The following ITGA3 variants were observed in gnomAD, a reference collection of about 807,000 sequenced individuals.
ITGA3 encodes the protein integrin alpha-3.
In ITGA3, 70 loss-of-function variants were observed where a neutral mutation model predicts 131.1. That is an observed-to-expected ratio of 0.53 (90% CI 0.44 to 0.65). The LOEUF is 0.65. Among genes scored for constraint, ITGA3 ranks in the 30% least tolerant of loss-of-function variants. The pLI is 0.00. For synonymous variants in ITGA3, 537 were observed against 571.6 expected (o/e 0.94, Z 0.86); for missense variants, 1,098 against 1,388.6 (o/e 0.79, Z 3.33).
chr17:50,075,610 A>T lies in ITGA3; in HGVS notation c.1549A>T (p.Thr517Ser), dbSNP rs987503159. The T allele has an allele frequency of 3.1e-6, 5 of 1,614,028 alleles. No individual in the cohort carries two copies. In the East Asian group the frequency reaches 8.9e-5, roughly 29 times the overall value. The change falls in exon 12 of 26, where the codon ACT becomes TCT. Residue 517 changes from threonine (T) to serine (S), a missense_variant. Transcript: ENST00000320031. ...CTGTCTACCTGTAGCCCTGGCCTAC[A>T]CTCTGGAGGCTGACAGGGACCGCCG... ...NYRRNITLAY[T>S]LEADRDRRPP...
At chr17:50,078,000 G>A (rs372600828) in intron 16 of ITGA3, 46 bp from the exon 17 acceptor site, 126 of 1,515,070 alleles carry the variant, frequency 8.3e-5, no homozygotes, top group Middle Eastern at 5.7e-4. Context: ...CATCACCCCC[G>A]CCAGGCCCCA....
At position 50,088,259 on chromosome 17, in the gene ITGA3, T is replaced by C; in HGVS notation, c.3080T>C (p.Leu1027Pro). Residue 1027 changes from leucine to proline, a missense_variant, in exon 25 of 26, where the codon CTG becomes CCG. Leu to Pro is a moderately conservative substitution (Grantham distance 98). Transcript: ENST00000320031. Reference sequence around the variant, plus strand: ...TTCAAGCGAGCCCGCACTCGCGCCCTGTATGAAGCTAAGAGGCAGAAGGCG... The same window carrying C: ...TTCAAGCGAGCCCGCACTCGCGCCCCGTATGAAGCTAAGAGGCAGAAGGCG... ...GFFKRARTRA[L>P]YEAKRQKAEM... 3 of 1,583,580 alleles carry C rather than the reference T, an allele frequency of 1.9e-6. No homozygotes were observed. Among genetic ancestry groups the C allele is most frequent in the South Asian group, 1.2e-5 (1 of 86,838 alleles).
chr17:50,072,810 A>G, intron 7 of ITGA3, among the ~76,000 whole-genome samples: 1 of 150,680 alleles, frequency 6.6e-6, no homozygotes, highest in African/African-American at 2.4e-5. Flanking sequence ...ACAAGGTGGG[A>G]GCCCTGGATA....
chr17:50,078,320 GC>G (rs1295574778), intron 18 of ITGA3, 36 bp downstream of exon 18: 1 of 1,572,066 alleles, frequency 6.4e-7, no homozygotes. Flanking sequence ...ACCCCAGCCT[GC>G]TGTGCCTAAG....
intron 12 of ITGA3, 112 bp from the exon 13 acceptor site, chr17:50,076,214 T>G: frequency 1.4e-5 from 16 of 1,146,886 alleles, no homozygotes; most frequent in African/African-American, 3.7e-5. Context: ...AACTGTCAGG[T>G]TTTCAGGGTG....
Position 50,056,384 on chromosome 17 carries a change from C to A in ITGA3, c.-56C>A. On this transcript the variant is annotated 5_prime_UTR_variant, in exon 1 of 26. Coordinates refer to ENST00000320031, the MANE Select transcript of ITGA3 (RefSeq NM_002204.4). This position sits in a 1 kb window ranked among gnomAD's most constrained non-coding sequence, Gnocchi z 5.6. ...CGGGGAGCAGGTGAACAGGTCCTCA[C>A]GCCCAGCTCCGCGCCCTCACGCGCT... The A allele has an allele frequency of 2.3e-6, 3 of 1,304,610 alleles. No homozygotes were observed. Among genetic ancestry groups the A allele is most frequent in the East Asian group, 5.8e-5 (2 of 34,666 alleles). The allele number at this position is 1,304,610 out of a possible 1,614,324, so 80.8% of individuals were successfully genotyped here. A position where few individuals can be genotyped will look rare whatever the true frequency, so the allele number is the denominator to read the frequency against.
chr17:50,064,372 G>A lies in ITGA3; in HGVS notation c.335-156G>A. On this transcript the variant is annotated intron_variant, in intron 2 of 25. Coordinates refer to ENST00000320031, the MANE Select transcript of ITGA3 (RefSeq NM_002204.4). This position sits in a 1 kb window ranked among gnomAD's most constrained non-coding sequence, Gnocchi z 4.4. ...AGGAGAGTGGGGCTGGATGGGATTGGTAGAGCTCAGAATAATGACGAGCTG... is the reference window on the plus strand; with the variant it reads ...AGGAGAGTGGGGCTGGATGGGATTGATAGAGCTCAGAATAATGACGAGCTG... 8.9e-7 allele frequency: 1 copy of A among 1,126,784 alleles called. No individual in the cohort carries two copies. The highest frequency in any genetic ancestry group is 1.5e-5 in the South Asian group (1 of 66,394). 69.8% of individuals were successfully genotyped at this position (1,126,784 alleles called of 1,614,324 possible).
rs770249491 is a variant in ITGA3, at chr17:50,064,612, G to C, written c.414+5G>C. ...GGCCCTGCAGGCAGAGTTCTGGTAA[G>C]TGGGTGCTCAGTGTTGGCTCCTCCA... is the stretch of plus-strand genomic sequence containing the variant. On this transcript the variant is annotated splice_donor_5th_base_variant and intron_variant, in intron 3 of 25. Transcript: ENST00000320031. This position sits in a 1 kb window ranked among gnomAD's most constrained non-coding sequence, Gnocchi z 4.4. 1.4e-5 allele frequency: 22 copies of C among 1,610,588 alleles called. No homozygotes were observed. Among genetic ancestry groups the C allele is most frequent in the Non-Finnish European group, 1.9e-5 (22 of 1,178,852 alleles).
intron 4 of ITGA3, 64 bp from the exon 5 acceptor site, chr17:50,070,780 A>G: frequency 9.5e-7 from 1 of 1,053,034 alleles, no homozygotes; most frequent in Non-Finnish European, 1.5e-6. Flanking sequence ...TGGACATGGT[A>G]GAGGAAACCA....
intron 14 of ITGA3, 106 bp from the exon 15 acceptor site, chr17:50,076,868 C>A: frequency 7.3e-7 from 1 of 1,365,202 alleles, no homozygotes; most frequent in Non-Finnish European, 1.0e-6. Flanking sequence ...CTGGCTGTCC[C>A]AAGATGGGCT....
Position 50,089,132 on chromosome 17 carries a change from G to T in ITGA3, c.*54G>T. Reference sequence around the variant, plus strand: ...CAGTGTGACTTCTTTAAGCGGACCCGCTATTATCAGATCATGCCCAAGTAC... The same window carrying T: ...CAGTGTGACTTCTTTAAGCGGACCCTCTATTATCAGATCATGCCCAAGTAC... On this transcript the variant is annotated 3_prime_UTR_variant, in exon 26 of 26. Transcript: ENST00000320031. 1.9e-6 allele frequency: 3 copies of T among 1,613,176 alleles called. No individual in the cohort carries two copies. Among genetic ancestry groups the T allele is most frequent in the South Asian group, 2.2e-5 (2 of 91,052 alleles).
intron 10 of ITGA3, 40 bp downstream of exon 10, chr17:50,074,574 G>A (rs779772587): frequency 6.9e-7 from 1 of 1,450,542 alleles, no homozygotes; most frequent in Admixed American, 1.7e-5. Context: ...TTTATTTATA[G>A]GGAGGCTAGG....
In ITGA3 at chr17:50,064,415, G is replaced by A; in HGVS notation, c.335-113G>A. The A allele has an allele frequency of 1.7e-6, 2 of 1,179,674 alleles. No individual in the cohort carries two copies. The allele number at this position is 1,179,674 out of a possible 1,614,324, so 73.1% of individuals were successfully genotyped here. ...ACGAGCTGGAGAAGGGGAGTTGGGA[G>A]GGCTGCCCTGTGGGTGGAGGGCCCA... On this transcript the variant is annotated intron_variant, in intron 2 of 25. Coordinates refer to ENST00000320031, the MANE Select transcript of ITGA3 (RefSeq NM_002204.4). The surrounding 1 kb of genome is among the most constrained non-coding windows in gnomAD (Gnocchi z 4.4).
rs76787348 is a variant in ITGA3 at position 50,078,437 on chromosome 17, A to G, written c.2297+153A>G. ...CCTGGATCATCCTTTTCTTAACAAC[A>G]ACAATCACTATCGTTACCGTTACTA... On this transcript the variant is annotated intron_variant, in intron 18 of 25. Transcript: ENST00000320031. Among the ~76,000 whole-genome samples the G allele has an allele frequency of 0.017, 2,566 of 152,140 alleles. 62 individuals are homozygous for G. Among genetic ancestry groups the G allele is most frequent in the African/African-American group, 0.059 (2,428 of 41,490 alleles).
chr17:50,080,463 G>GGTGTGTGT lies in ITGA3; in HGVS notation c.2820+124_2820+131dup, dbSNP rs113441627. 238 of 506,266 alleles carry GGTGTGTGT rather than the reference G, an allele frequency of 4.7e-4. 1 individual carries two copies. In the African/African-American group the frequency reaches 4.9e-3, roughly 10 times the overall value. 31.4% of individuals were successfully genotyped at this position (506,266 alleles called of 1,614,324 possible). A position where few individuals can be genotyped will look rare whatever the true frequency, so the allele number is the denominator to read the frequency against. ...AGGGCGAGTCCAGGGTCATAGCATG[G>GGTGTGTGT]GTGTGTGTGTGTGTGTGTGTGTGTG... On this transcript the variant is annotated intron_variant, in intron 22 of 25. Coordinates refer to ENST00000320031, the MANE Select transcript of ITGA3 (RefSeq NM_002204.4).
intron 6 of ITGA3, 44 bp downstream of exon 6, chr17:50,071,562 G>A (rs1329074758): frequency 6.6e-7 from 1 of 1,522,206 alleles, no homozygotes; most frequent in Admixed American, 1.9e-5. Flanking sequence ...AGAGCGATGG[G>A]CGGGGGAAGG....
rs1908839020 is a variant in ITGA3 at position 50,075,488 on chromosome 17, A to G, written c.1499A>G (p.Asn500Ser). ...CVQVELCFAY[N>S]QSAGNPNYRR... ...CAAGTGGAGCTGTGCTTTGCTTACAACCAGAGTGCCGGGAACCCCAACTAC... is the reference window on the plus strand; with the variant it reads ...CAAGTGGAGCTGTGCTTTGCTTACAGCCAGAGTGCCGGGAACCCCAACTAC... Residue 500 changes from asparagine to serine, a missense_variant, in exon 11 of 26, where the codon AAC becomes AGC. Physicochemically the swap from Asn to Ser is conservative, Grantham distance 46 (BLOSUM62 1). Coordinates refer to ENST00000320031, the MANE Select transcript of ITGA3 (RefSeq NM_002204.4). 1.9e-6 allele frequency: 3 copies of G among 1,614,178 alleles called. No individual in the cohort carries two copies. Among genetic ancestry groups the G allele is most frequent in the Non-Finnish European group, 2.5e-6 (3 of 1,180,042 alleles).
intron 1 of ITGA3, among the ~76,000 whole-genome samples, chr17:50,060,008 TG>T (rs1022544638): frequency 4.0e-5 from 6 of 151,856 alleles, no homozygotes; most frequent in African/African-American, 1.5e-4. Flanking sequence ...TCAGGAAGGA[TG>T]GGGAGGGCTG....
In ITGA3 at chr17:50,057,918, AC is replaced by A. The variant is rs539140841; in HGVS notation, c.206+1275del. Among the ~76,000 whole-genome samples, 94 of 152,280 alleles carry A rather than the reference AC, an allele frequency of 6.2e-4. 1 individual carries two copies. Among genetic ancestry groups the A allele is most frequent in the African/African-American group, 2.3e-3 (94 of 41,548 alleles). On this transcript the variant is annotated intron_variant, in intron 1 of 25. Coordinates refer to ENST00000320031, the MANE Select transcript of ITGA3 (RefSeq NM_002204.4). ...TCTTGCTCTTGCAGAGGCTAGGGCTACCACACCCTTCCCAGCCTGGCCCCAG... is the reference window on the plus strand; with the variant it reads ...TCTTGCTCTTGCAGAGGCTAGGGCTACACACCCTTCCCAGCCTGGCCCCAG...
Sources: allele counts gnomAD v4.1 joint callset (sites outside exome capture counted in the v4.1 genomes callset), GRCh38; gene constraint gnomAD v4.1.1; non-coding constraint Gnocchi (gnomAD v3.1); transcripts MANE v1.5; gene names NCBI Gene and HGNC (gene_info 2026-07-23, HGNC 2026-07-21).